The following CDH11 variants were observed in gnomAD, a reference collection of about 807,000 sequenced individuals.
CDH11 encodes cadherin-11.
A neutral mutation model predicts 67.8 loss-of-function variants in CDH11; 11 were observed. The observed-to-expected ratio is 0.16, with a 90% confidence interval of 0.10 to 0.27. The LOEUF (loss-of-function observed/expected upper bound fraction) is 0.27, where lower values mean the gene tolerates loss of function less well. CDH11 is among the 10% of genes least tolerant of loss of function. The probability of loss-of-function intolerance (pLI) is 1.00; values close to 1 mark genes in which losing one functional copy is unlikely to be tolerated. For missense variants in CDH11, 847 were observed against 1,031.2 expected (o/e 0.82, Z 2.45); for synonymous variants, 419 against 400.0 (o/e 1.05, Z -0.57).
At chr16:65,051,254 C>T (rs2074051475) in intron 2 of CDH11, among the ~76,000 whole-genome samples, 1 of 152,134 alleles carries the variant, frequency 6.6e-6, no homozygotes, top group Non-Finnish European at 1.5e-5. Flanking sequence ...AAATGTCCTC[C>T]CAAAACAGAC....
At chr16:65,016,109 T>A (rs2073301062) in intron 2 of CDH11, among the ~76,000 whole-genome samples, 1 of 152,186 alleles carries the variant, frequency 6.6e-6, no homozygotes, top group South Asian at 2.1e-4. Flanking sequence ...AACCACTCCA[T>A]CACACTAAGA....
intron 1 of CDH11, among the ~76,000 whole-genome samples, chr16:65,113,915 TAC>T (rs1226931184): frequency 6.6e-6 from 1 of 152,160 alleles, no homozygotes; most frequent in African/African-American, 2.4e-5. Context: ...ATGTTCTTAG[TAC>T]AGTGTGTGAA....
intron 2 of CDH11, among the ~76,000 whole-genome samples, chr16:65,007,327 T>C (rs1362100229): frequency 1.3e-5 from 2 of 152,156 alleles, no homozygotes; most frequent in East Asian, 1.9e-4. Context: ...ATTCAAGGAA[T>C]AGGGGACTTG....
At chr16:65,039,497 T>C (rs2073822614) in intron 2 of CDH11, among the ~76,000 whole-genome samples, 1 of 152,230 alleles carries the variant, frequency 6.6e-6, no homozygotes, top group African/African-American at 2.4e-5. Flanking sequence ...CTGGGAAAAC[T>C]GGCTAGCCAT....
At chr16:65,099,878 C>A (rs986141247) in intron 1 of CDH11, among the ~76,000 whole-genome samples, 10 of 151,860 alleles carry the variant, frequency 6.6e-5, no homozygotes, top group African/African-American at 2.4e-4. Flanking sequence ...ATGCAGTTCA[C>A]AGTTGTGTGG....
chr16:65,111,938 C>A (rs7192332), intron 1 of CDH11, among the ~76,000 whole-genome samples: 27 of 151,720 alleles, frequency 1.8e-4, no homozygotes, highest in Middle Eastern at 3.4e-3. Flanking sequence ...GGTGTGGTGG[C>A]GCACTCCTGT....
chr16:64,988,002 T>A lies in CDH11; in HGVS notation c.999+155A>T, dbSNP rs993683665. 8.8e-6 allele frequency: 5 copies of A among 570,212 alleles called. No individual in the cohort carries two copies. The African/African-American group carries it at 9.6e-5, about 11-fold the overall frequency. The allele number at this position is 570,212 out of a possible 1,614,324, so 35.3% of individuals were successfully genotyped here. On this transcript the variant is annotated intron_variant, in intron 7 of 12. Coordinates refer to ENST00000268603, the MANE Select transcript of CDH11 (RefSeq NM_001797.4). ...AGTAACAGAAAGGAATACAATTCTG[T>A]GATCTTCCAGAGCTCAGAGCTCAAC...
At chr16:65,000,380 G>A (rs1281333994) in intron 3 of CDH11, among the ~76,000 whole-genome samples, 1 of 152,108 alleles carries the variant, frequency 6.6e-6, no homozygotes, top group East Asian at 1.9e-4. Context: ...GAAAAAGTAA[G>A]CATTATTTTT....
chr16:64,974,676 C>A (rs1263806809), intron 8 of CDH11, among the ~76,000 whole-genome samples: 2 of 152,158 alleles, frequency 1.3e-5, no homozygotes, highest in Non-Finnish European at 2.9e-5. Context: ...TACACCTCCT[C>A]AATGTCAGGA....
At chr16:65,085,502 T>G (rs1046665501) in intron 1 of CDH11, among the ~76,000 whole-genome samples, 1 of 152,222 alleles carries the variant, frequency 6.6e-6, no homozygotes, top group African/African-American at 2.4e-5. Context: ...AACACAGCTA[T>G]TGATTAATTA....
intron 1 of CDH11, among the ~76,000 whole-genome samples, chr16:65,067,264 AT>A (rs371766645): frequency 1.4e-3 from 206 of 152,316 alleles, no homozygotes; most frequent in African/African-American, 4.3e-3. Flanking sequence ...ACAGAACCTC[AT>A]TCTGAACAGA....
rs1042039668 is a variant in CDH11 at position 64,945,322 on chromosome 16, A to G, written c.*2281T>C. 130 of 779,278 alleles carry G rather than the reference A, an allele frequency of 1.7e-4. No homozygotes were observed. Among genetic ancestry groups the G allele is most frequent in the Non-Finnish European group, 2.0e-4 (123 of 626,686 alleles). The allele number at this position is 779,278 out of a possible 1,614,324, so 48.3% of individuals were successfully genotyped here. ...AAGGTAAAAAAAAAAAAAAAAAAGA[A>G]AAAGAAAAACAAGTATTCTTAACTA... On this transcript the variant is annotated 3_prime_UTR_variant, in exon 13 of 13. Transcript: ENST00000268603.
chr16:65,071,040 G>A (rs939470875), intron 1 of CDH11, among the ~76,000 whole-genome samples: 4 of 152,158 alleles, frequency 2.6e-5, no homozygotes, highest in Non-Finnish European at 4.4e-5. Flanking sequence ...GTCACTGTCC[G>A]ACTGAACTCT....
intron 8 of CDH11, among the ~76,000 whole-genome samples, chr16:64,979,452 C>CAAAT (rs916121927): frequency 7.3e-5 from 11 of 151,158 alleles, no homozygotes; most frequent in Admixed American, 2.0e-4. Flanking sequence ...GTCTCAGTAG[C>CAAAT]AAATAAATAA....
upstream of CDH11, among the ~76,000 whole-genome samples, chr16:65,123,372 G>T (rs2075367886): frequency 1.3e-5 from 2 of 151,968 alleles, no homozygotes; most frequent in South Asian, 2.1e-4. Flanking sequence ...AAAAAGACGG[G>T]GAAGGAGGCT....
intron 1 of CDH11, among the ~76,000 whole-genome samples, chr16:65,101,217 C>T (rs2074985158): frequency 6.6e-6 from 1 of 152,178 alleles, no homozygotes; most frequent in African/African-American, 2.4e-5. Context: ...TACCACTCTC[C>T]TAATCCATCA....
At chr16:65,109,103 C>T (rs767628176) in intron 1 of CDH11, among the ~76,000 whole-genome samples, 11 of 151,946 alleles carry the variant, frequency 7.2e-5, no homozygotes, top group African/African-American at 1.9e-4. Flanking sequence ...GCTGAGACAG[C>T]GCCACTCTAC....
At chr16:65,109,852 C>T (rs747748925) in intron 1 of CDH11, among the ~76,000 whole-genome samples, 2 of 151,606 alleles carry the variant, frequency 1.3e-5, no homozygotes, top group Non-Finnish European at 2.9e-5. Context: ...AATATTTGCT[C>T]AACACAAATT....
chr16:65,101,586 G>T (rs913078594), intron 1 of CDH11, among the ~76,000 whole-genome samples: 1 of 150,476 alleles, frequency 6.6e-6, no homozygotes, highest in Non-Finnish European at 1.5e-5. Flanking sequence ...TCACCACTTT[G>T]TAGGCCCCCC....
Sources: gnomAD v4.1 joint callset for allele counts (sites outside exome capture counted in the v4.1 genomes callset) on GRCh38, gnomAD v4.1.1 for gene constraint, MANE v1.5 for transcripts, NCBI Gene and HGNC (gene_info 2026-07-23, HGNC 2026-07-21) for gene names.